Variants in BCKDHA observed in about 807,000 individuals in gnomAD.
The protein encoded by BCKDHA is 2-oxoisovalerate dehydrogenase subunit alpha, mitochondrial.
BCKDHA carries 43 observed loss-of-function variants against 52.2 expected under a neutral mutation model. The observed-to-expected ratio is 0.82, with a 90% confidence interval of 0.64 to 1.06. The LOEUF (loss-of-function observed/expected upper bound fraction) is 1.06, where lower values mean the gene tolerates loss of function less well. Among genes scored for constraint, BCKDHA ranks in the 50% least tolerant of loss-of-function variants. The probability of loss-of-function intolerance (pLI) is 0.00; values close to 1 mark genes in which losing one functional copy is unlikely to be tolerated. For synonymous variants in BCKDHA, 234 were observed against 247.9 expected, an observed-to-expected ratio of 0.94 and a Z score of 0.53; for missense variants, 527 against 621.3, an observed-to-expected ratio of 0.85 and a Z score of 1.61.
In BCKDHA at chr19:41,424,782, T is replaced by C. The variant is rs969369036; in HGVS notation, c.*174T>C. ...ACCCCTGCTCCTCCCGGCTGTTACATTGTCAGGGGACAGCATCTGCAGCAG... is the reference window on the plus strand; with the variant it reads ...ACCCCTGCTCCTCCCGGCTGTTACACTGTCAGGGGACAGCATCTGCAGCAG... On this transcript the variant is annotated 3_prime_UTR_variant, in exon 9 of 9. Transcript: ENST00000269980. 2.2e-5 allele frequency: 15 copies of C among 680,034 alleles called. No homozygotes were observed. The East Asian group carries it at 3.9e-4, about 18-fold the overall frequency. The allele number at this position is 680,034 out of a possible 1,614,324, so 42.1% of individuals were successfully genotyped here.
chr19:41,411,042 G>A (rs770640951), intron 3 of BCKDHA, 33 bp downstream of exon 3: 7 of 1,607,362 alleles, frequency 4.4e-6, no homozygotes, highest in South Asian at 2.2e-5. Context: ...GCGGGGGGCT[G>A]GAATTACCTG....
intron 1 of BCKDHA, among the ~76,000 whole-genome samples, chr19:41,404,284 T>TTTTA (rs1745113643): frequency 6.6e-6 from 1 of 151,456 alleles, no homozygotes; most frequent in Non-Finnish European, 1.5e-5. Context: ...CCGGCCAAAA[T>TTTTA]TTTATTTATT....
chr19:41,411,872 G>A (rs1397440675), intron 3 of BCKDHA, among the ~76,000 whole-genome samples: 9 of 152,118 alleles, frequency 5.9e-5, no homozygotes, highest in East Asian at 1.9e-4. Context: ...ACTCAGCACC[G>A]CCCACTCACT....
chr19:41,421,212 G>A (rs911631928), intron 5 of BCKDHA, among the ~76,000 whole-genome samples: 1 of 152,096 alleles, frequency 6.6e-6, no homozygotes, highest in African/African-American at 2.4e-5. Context: ...TCAAATACAC[G>A]AAGTTCCTGC....
rs148980955 is a variant in BCKDHA at position 41,418,763 on chromosome 19, C to T, written c.485-372C>T. On this transcript the variant is annotated intron_variant, in intron 4 of 8. Transcript: ENST00000269980. Reference sequence around the variant, plus strand: ...CCATGTTGCTCAGGCTGGTCTCCAACTCCTGGGCTCAAGCGATCCTCCAAC... The same window carrying T: ...CCATGTTGCTCAGGCTGGTCTCCAATTCCTGGGCTCAAGCGATCCTCCAAC... The T allele has an allele frequency of 1.5e-4, 69 of 447,628 alleles. No individual in the cohort carries two copies. In the East Asian group the frequency reaches 3.2e-3, roughly 21 times the overall value. The allele number at this position is 447,628 out of a possible 1,614,324, so 27.7% of individuals were successfully genotyped here. A position where few individuals can be genotyped will look rare whatever the true frequency, so the allele number is the denominator to read the frequency against.
chr19:41,422,936 C>A, intron 7 of BCKDHA, 62 bp from the exon 8 acceptor site: 1 of 1,565,894 alleles, frequency 6.4e-7, no homozygotes. Flanking sequence ...ATCCCCCATC[C>A]TCCCTCCTGA....
At chr19:41,417,151 A>T (rs916297001) in intron 4 of BCKDHA, among the ~76,000 whole-genome samples, 1 of 151,636 alleles carries the variant, frequency 6.6e-6, no homozygotes, top group Non-Finnish European at 1.5e-5. Flanking sequence ...AGCTGGGACC[A>T]CAGGTGCACG....
intron 5 of BCKDHA, among the ~76,000 whole-genome samples, chr19:41,421,620 G>A (rs937366930): frequency 7.6e-6 from 1 of 131,618 alleles, no homozygotes; most frequent in African/African-American, 3.2e-5. Flanking sequence ...GGTGGTGGGT[G>A]GGGGTGCAGA....
At chr19:41,416,405 T>G (rs2039308516) in intron 4 of BCKDHA, among the ~76,000 whole-genome samples, 1 of 152,316 alleles carries the variant, frequency 6.6e-6, no homozygotes, top group Admixed American at 6.5e-5. Context: ...GAGGCAAGCA[T>G]TACCATCAAC....
At chr19:41,422,105 A>T in intron 5 of BCKDHA, 59 bp from the exon 6 acceptor site, 1 of 1,519,864 alleles carries the variant, frequency 6.6e-7, no homozygotes, top group Non-Finnish European at 9.0e-7. Flanking sequence ...TGTGAGTGTG[A>T]ATGAGTGTGA....
At chr19:41,413,675 C>G (rs1449673741) in intron 3 of BCKDHA, among the ~76,000 whole-genome samples, 1 of 152,176 alleles carries the variant, frequency 6.6e-6, no homozygotes, top group African/African-American at 2.4e-5. Context: ...GGTGCCATCT[C>G]CTCTCCCTCC....
At chr19:41,414,280 C>A in intron 4 of BCKDHA, 123 bp downstream of exon 4, 1 of 1,012,880 alleles carries the variant, frequency 9.9e-7, no homozygotes, top group Non-Finnish European at 1.5e-6. Context: ...AAGAGCTTTC[C>A]AAGCAAGAAA....
chr19:41,424,924 G>A lies in BCKDHA; in HGVS notation c.*316G>A, dbSNP rs1432093658. 8 of 306,248 alleles carry A rather than the reference G, an allele frequency of 2.6e-5. No homozygotes were observed. In the East Asian group the frequency reaches 4.9e-4, roughly 19 times the overall value. The allele number at this position is 306,248 out of a possible 1,614,324, so 19.0% of individuals were successfully genotyped here. A position where few individuals can be genotyped will look rare whatever the true frequency, so the allele number is the denominator to read the frequency against. On this transcript the variant is annotated 3_prime_UTR_variant, in exon 9 of 9. Coordinates refer to ENST00000269980, the MANE Select transcript of BCKDHA (RefSeq NM_000709.4). ...TCTGGGCATGGGGTGGACATGGCAG[G>A]TCAGCCTGTGGAACTTGCGCAGGTG...
intron 1 of BCKDHA, among the ~76,000 whole-genome samples, chr19:41,400,780 T>A (rs2039130619): frequency 6.6e-6 from 1 of 150,400 alleles, no homozygotes; most frequent in Non-Finnish European, 1.5e-5. Flanking sequence ...GAGGCCAAGG[T>A]GGGCGGGTTG....
intron 4 of BCKDHA, among the ~76,000 whole-genome samples, chr19:41,418,091 CAAAAAAAAAAA>C (rs66838098): frequency 1.4e-5 from 1 of 72,014 alleles, no homozygotes. Flanking sequence ...GACTCTGTCT[CAAAAAAAAAAA>C]AAAAAAAAAA....
intron 5 of BCKDHA, among the ~76,000 whole-genome samples, chr19:41,420,248 C>T (rs1184326858): frequency 6.6e-6 from 1 of 152,216 alleles, no homozygotes; most frequent in Non-Finnish European, 1.5e-5. Flanking sequence ...TTCCACTGTG[C>T]CAATGCTTCA....
At chr19:41,408,627 T>G (rs1416290920) in intron 1 of BCKDHA, among the ~76,000 whole-genome samples, 3 of 152,010 alleles carry the variant, frequency 2.0e-5, no homozygotes, top group African/African-American at 4.8e-5. Context: ...TGAGCTTTTT[T>G]TTTTGTTTGA....
chr19:41,417,031 A>G (rs915803829), intron 4 of BCKDHA, among the ~76,000 whole-genome samples: 10 of 152,074 alleles, frequency 6.6e-5, no homozygotes, highest in Admixed American at 5.2e-4. Flanking sequence ...TTTTTCTTCA[A>G]GACGGGGTCT....
intron 7 of BCKDHA, 61 bp downstream of exon 7, chr19:41,422,831 T>C: frequency 6.2e-7 from 1 of 1,608,388 alleles, no homozygotes; most frequent in East Asian, 2.2e-5. Flanking sequence ...AGCATCTTCC[T>C]CATATCGATC....
Sources: allele counts gnomAD v4.1 joint callset (sites outside exome capture counted in the v4.1 genomes callset), GRCh38; gene constraint gnomAD v4.1.1; transcripts MANE v1.5; gene names NCBI Gene and HGNC (gene_info 2026-07-23, HGNC 2026-07-21).